The following CLIC4 variants were observed in gnomAD, a reference collection of about 807,000 sequenced individuals.
The protein encoded by CLIC4 is CLIC family member 4.
CLIC4 carries 13 observed loss-of-function variants against 24.6 expected under a neutral mutation model. The ratio of observed to expected loss-of-function variants is 0.53; its 90% CI spans 0.34 to 0.84. CLIC4 has a LOEUF of 0.84. CLIC4 is among the 40% of genes least tolerant of loss of function. CLIC4 has a pLI of 0.01. For missense variants in CLIC4, 227 were observed against 301.7 expected (o/e 0.75, Z 1.83); for synonymous variants, 104 against 111.3 (o/e 0.93, Z 0.41).
At chr1:24,810,618 T>A (rs1420718061) in intron 2 of CLIC4, among the ~76,000 whole-genome samples, 1 of 152,228 alleles carries the variant, frequency 6.6e-6, no homozygotes, top group East Asian at 1.9e-4. Flanking sequence ...AAAAATTTTT[T>A]AAAAATTAGC....
intron 4 of CLIC4, among the ~76,000 whole-genome samples, chr1:24,835,514 G>C (rs1639877937): frequency 6.6e-6 from 1 of 152,214 alleles, no homozygotes; most frequent in Non-Finnish European, 1.5e-5. Context: ...AGCGAGCTGA[G>C]ATTGCACCAC....
intron 1 of CLIC4, among the ~76,000 whole-genome samples, chr1:24,780,387 A>G (rs545683689): frequency 3.3e-5 from 5 of 152,354 alleles, no homozygotes; most frequent in Admixed American, 1.3e-4. Context: ...TGTTAAGTTA[A>G]TGAATAAATT....
intron 1 of CLIC4, among the ~76,000 whole-genome samples, chr1:24,767,620 G>A (rs1227510630): frequency 2.0e-5 from 3 of 152,188 alleles, no homozygotes; most frequent in Admixed American, 6.5e-5. Flanking sequence ...CTAAAGGACA[G>A]TCAGATTGGA....
At chr1:24,840,159 G>A in intron 5 of CLIC4, 118 bp downstream of exon 5, 1 of 907,006 alleles carries the variant, frequency 1.1e-6, no homozygotes, top group South Asian at 2.1e-5. Context: ...TTAACTCAAT[G>A]CTGTTTAGGC....
chr1:24,814,046 T>A (rs138374747), intron 2 of CLIC4, 48 bp from the exon 3 acceptor site: 1 of 1,610,554 alleles, frequency 6.2e-7, no homozygotes, highest in African/African-American at 1.3e-5. Flanking sequence ...ATTATTGTTG[T>A]TTAAGAGTAA....
intron 2 of CLIC4, among the ~76,000 whole-genome samples, chr1:24,803,692 A>G (rs1025876640): frequency 1.3e-5 from 2 of 152,226 alleles, no homozygotes; most frequent in African/African-American, 4.8e-5. Context: ...AGCTTCAGAT[A>G]ATATAAGTGA....
At chr1:24,802,159 T>A (rs1639498111) in intron 2 of CLIC4, among the ~76,000 whole-genome samples, 1 of 152,222 alleles carries the variant, frequency 6.6e-6, no homozygotes, top group Non-Finnish European at 1.5e-5. Context: ...TTTAATACAG[T>A]GCTTTAATTG....
rs117234758 is a variant in CLIC4 at position 24,770,696 on chromosome 1, C to G, written c.72+25071C>G. On this transcript the variant is annotated intron_variant, in intron 1 of 5. Coordinates refer to ENST00000374379, the MANE Select transcript of CLIC4 (RefSeq NM_013943.3). ...ATAAATAAATTAGCTTCTTTAATTT[C>G]TTGACCTTGTCATTTTCCTCACACC... Among the ~76,000 whole-genome samples, 86 of 151,442 alleles carry G rather than the reference C, an allele frequency of 5.7e-4. 3 individuals are homozygous for G. The East Asian group carries it at 0.014, about 25-fold the overall frequency.
intron 1 of CLIC4, among the ~76,000 whole-genome samples, chr1:24,760,044 A>G (rs1482758937): frequency 6.6e-6 from 1 of 152,186 alleles, no homozygotes; most frequent in Non-Finnish European, 1.5e-5. Context: ...TGATCTATCT[A>G]AAATAAAATG....
chr1:24,820,418 T>A (rs1639718494), intron 3 of CLIC4, among the ~76,000 whole-genome samples: 1 of 151,246 alleles, frequency 6.6e-6, no homozygotes, highest in Non-Finnish European at 1.5e-5. Context: ...TGTGCCACCA[T>A]GCCCAGCTAA....
chr1:24,752,873 C>T (rs2124079162), intron 1 of CLIC4, among the ~76,000 whole-genome samples: 1 of 152,256 alleles, frequency 6.6e-6, no homozygotes, highest in East Asian at 1.9e-4. Flanking sequence ...CAGGCGCGTG[C>T]CACCATGCTC....
chr1:24,765,975 C>T (rs1158082326), intron 1 of CLIC4, among the ~76,000 whole-genome samples: 1 of 151,760 alleles, frequency 6.6e-6, no homozygotes, highest in African/African-American at 2.4e-5. Context: ...TCATGCCCGG[C>T]TAATTTTTAA....
At chr1:24,779,451 CTGAG>C (rs1303853553) in intron 1 of CLIC4, among the ~76,000 whole-genome samples, 2 of 152,168 alleles carry the variant, frequency 1.3e-5, no homozygotes, top group South Asian at 2.1e-4. Context: ...GCCTGGGTGG[CTGAG>C]TGAGTGTTTG....
intron 3 of CLIC4, among the ~76,000 whole-genome samples, chr1:24,818,749 C>T (rs1037828898): frequency 1.3e-5 from 2 of 148,150 alleles, no homozygotes; most frequent in East Asian, 2.0e-4. Context: ...GGTGGTGGGA[C>T]GGGGAAGTGA....
intron 1 of CLIC4, among the ~76,000 whole-genome samples, chr1:24,778,493 C>G (rs1192391162): frequency 1.3e-5 from 2 of 152,030 alleles, no homozygotes; most frequent in Non-Finnish European, 2.9e-5. Flanking sequence ...CAAGGTAGAT[C>G]CAGACTAGGA....
intron 1 of CLIC4, among the ~76,000 whole-genome samples, chr1:24,789,115 C>T (rs1214984809): frequency 1.3e-5 from 2 of 152,276 alleles, no homozygotes; most frequent in East Asian, 1.9e-4. Context: ...TATCTTTGGA[C>T]ATCTGTATGA....
At chr1:24,773,591 C>CT (rs61367134) in intron 1 of CLIC4, among the ~76,000 whole-genome samples, 1,839 of 73,986 alleles carry the variant, frequency 0.025, 49 homozygotes, top group African/African-American at 0.049. Context: ...TGAGATGCAC[C>CT]TTTTTTTTTT....
At chr1:24,768,591 T>C (rs1294882237) in intron 1 of CLIC4, among the ~76,000 whole-genome samples, 1 of 152,200 alleles carries the variant, frequency 6.6e-6, no homozygotes, top group Non-Finnish European at 1.5e-5. Context: ...TTTCATCTTA[T>C]ACCACAATGA....
chr1:24,782,242 A>G (rs578039533), intron 1 of CLIC4, among the ~76,000 whole-genome samples: 9 of 152,218 alleles, frequency 5.9e-5, no homozygotes, highest in Non-Finnish European at 1.3e-4. Flanking sequence ...TCACAAAACC[A>G]TGATTTATTG....
Sources: gnomAD v4.1 joint callset for allele counts (sites outside exome capture counted in the v4.1 genomes callset) on GRCh38, gnomAD v4.1.1 for gene constraint, MANE v1.5 for transcripts, NCBI Gene and HGNC (gene_info 2026-07-23, HGNC 2026-07-21) for gene names.